ANKRD44: variants seen among roughly 807,000 people sequenced by gnomAD.
ANKRD44 encodes the protein serine/threonine-protein phosphatase 6 regulatory ankyrin repeat subunit B.
A neutral mutation model predicts 116.0 loss-of-function variants in ANKRD44; 35 were observed. That is an observed-to-expected ratio of 0.30 (90% CI 0.23 to 0.40). The LOEUF is 0.40. Among genes scored for constraint, ANKRD44 ranks in the 10% least tolerant of loss-of-function variants. ANKRD44 has a pLI of 1.00. For synonymous variants in ANKRD44, 435 were observed against 461.8 expected (o/e 0.94, Z 0.74); for missense variants, 1,014 against 1,242.6 (o/e 0.82, Z 2.77).
chr2:197,087,451 A>T (rs2077951776), intron 12 of ANKRD44, among the ~76,000 whole-genome samples: 1 of 152,202 alleles, frequency 6.6e-6, no homozygotes, highest in African/African-American at 2.4e-5. Context: ...TCAGACATGA[A>T]TCTGGAATTG....
intron 1 of ANKRD44, chr2:197,199,232 A>C (rs1008600181): frequency 2.0e-5 from 3 of 152,214 alleles, no homozygotes; most frequent in African/African-American, 7.2e-5. Context: ...ATGTATCTTT[A>C]CGTAACGAGC....
At chr2:197,038,861 A>C (rs2076855545) in intron 16 of ANKRD44, among the ~76,000 whole-genome samples, 1 of 152,236 alleles carries the variant, frequency 6.6e-6, no homozygotes, top group African/African-American at 2.4e-5. Flanking sequence ...AGGCTGAAAG[A>C]AACCAAAAGT....
chr2:197,285,987 G>A (rs907947469), intron 1 of ANKRD44, among the ~76,000 whole-genome samples: 18 of 152,200 alleles, frequency 1.2e-4, no homozygotes, highest in Non-Finnish European at 2.2e-4. Flanking sequence ...AGCTAACTCT[G>A]GGTGAGTCTG....
chr2:197,184,394 C>G (rs1013289910), intron 2 of ANKRD44, among the ~76,000 whole-genome samples: 9 of 152,164 alleles, frequency 5.9e-5, no homozygotes, highest in African/African-American at 1.9e-4. Context: ...GTAATCTCAG[C>G]ACTTTGGGAG....
intron 1 of ANKRD44, among the ~76,000 whole-genome samples, chr2:197,218,003 C>A (rs115759165): frequency 6.6e-6 from 1 of 152,040 alleles, no homozygotes; most frequent in African/African-American, 2.4e-5. Context: ...GGCAATAGTG[C>A]TAGTATTTAC....
chr2:196,980,669 A>G (rs946771778), intron 21 of ANKRD44, among the ~76,000 whole-genome samples: 1 of 152,178 alleles, frequency 6.6e-6, no homozygotes, highest in Admixed American at 6.5e-5. Flanking sequence ...GCTCTTTGCC[A>G]TCTGTCATGT....
intron 8 of ANKRD44, among the ~76,000 whole-genome samples, chr2:197,112,879 G>A (rs1232246288): frequency 6.6e-6 from 1 of 151,442 alleles, no homozygotes; most frequent in Non-Finnish European, 1.5e-5. Flanking sequence ...TTTAACACAA[G>A]CATTTTATTA....
chr2:197,076,038 G>T (rs2077658927), intron 16 of ANKRD44, among the ~76,000 whole-genome samples: 1 of 152,144 alleles, frequency 6.6e-6, no homozygotes. Context: ...CCCTGGACCG[G>T]TAGTGAAGGC....
At chr2:197,178,595 A>G (rs2080426834) in intron 2 of ANKRD44, among the ~76,000 whole-genome samples, 1 of 152,256 alleles carries the variant, frequency 6.6e-6, no homozygotes, top group South Asian at 2.1e-4. Context: ...GGCAAAGGAC[A>G]TGCAGAGGCC....
intron 16 of ANKRD44, among the ~76,000 whole-genome samples, chr2:197,043,797 T>C (rs1187923086): frequency 1.3e-5 from 2 of 152,028 alleles, no homozygotes; most frequent in Non-Finnish European, 2.9e-5. Flanking sequence ...ACATACTGTA[T>C]CATGGGTTCT....
Position 197,086,586 on chromosome 2 carries a change from C to T in ANKRD44, c.1316+94G>A, listed in dbSNP as rs1038149886. The T allele has an allele frequency of 5.7e-6, 7 of 1,234,134 alleles. No individual in the cohort carries two copies. In the African/African-American group the frequency reaches 9.1e-5, roughly 16 times the overall value. The allele number at this position is 1,234,134 out of a possible 1,614,324, so 76.4% of individuals were successfully genotyped here. A position where few individuals can be genotyped will look rare whatever the true frequency, so the allele number is the denominator to read the frequency against. Reference sequence around the variant, plus strand: ...GGATGGAATCCCCCCAGCTAACTTCCCGGTTTACCATTTCAACCTAACTTG... The same window carrying T: ...GGATGGAATCCCCCCAGCTAACTTCTCGGTTTACCATTTCAACCTAACTTG... On this transcript the variant is annotated intron_variant, in intron 13 of 27. Transcript: ENST00000282272.
intron 2 of ANKRD44, among the ~76,000 whole-genome samples, chr2:197,167,841 CT>C (rs770524841): frequency 3.3e-5 from 5 of 152,320 alleles, no homozygotes; most frequent in Non-Finnish European, 5.9e-5. Context: ...AGATTTTCCC[CT>C]TTACCATACT....
chr2:196,976,577 A>T (rs1252479673), intron 21 of ANKRD44, among the ~76,000 whole-genome samples: 1 of 152,224 alleles, frequency 6.6e-6, no homozygotes, highest in Non-Finnish European at 1.5e-5. Context: ...GAAAATTTTA[A>T]GGAATCCAGC....
rs1015807403 is a variant in ANKRD44 at position 197,013,588 on chromosome 2, A to G, written c.1847T>C (p.Val616Ala). ...TGCGCCCTGATTGATAAGCGCTTCC[A>G]CACATTCTGTGTGTCCTTTAAAGGC... ...LAAFKGHTECVEALINQGASI... is the reference protein window; with the variant it reads ...LAAFKGHTECAEALINQGASI... The change falls in exon 18 of 28, where the codon GTG (valine) becomes GCG (alanine). Residue 616 changes from valine to alanine, a missense_variant. By Grantham distance (64) the Val-to-Ala change is moderately conservative. Transcript: ENST00000282272. 28 of 1,614,068 alleles carry G rather than the reference A, an allele frequency of 1.7e-5. No homozygotes were observed. The highest frequency in any genetic ancestry group is 2.4e-5 in the Non-Finnish European group (28 of 1,180,050).
chr2:197,044,451 C>T (rs2076965812), intron 16 of ANKRD44, among the ~76,000 whole-genome samples: 2 of 152,140 alleles, frequency 1.3e-5, no homozygotes, highest in African/African-American at 4.8e-5. Context: ...ACTGCAACCT[C>T]TGCTTCCTGG....
chr2:197,029,021 G>A (rs1042003549), intron 16 of ANKRD44: 1 of 155,748 alleles, frequency 6.4e-6, no homozygotes, highest in African/African-American at 2.4e-5. Flanking sequence ...GGGTACATGT[G>A]CACAACGTGC....
intron 16 of ANKRD44, among the ~76,000 whole-genome samples, chr2:197,033,373 T>A (rs1227758735): frequency 6.6e-6 from 1 of 152,022 alleles, no homozygotes; most frequent in Non-Finnish European, 1.5e-5. Context: ...TGATGAAGAT[T>A]TTCACTGATA....
intron 9 of ANKRD44, among the ~76,000 whole-genome samples, chr2:197,106,288 A>G (rs2078425307): frequency 6.6e-6 from 1 of 152,096 alleles, no homozygotes. Context: ...CTAAAAATAC[A>G]AAAATTAGCC....
At chr2:197,184,051 T>G (rs1243764541) in intron 2 of ANKRD44, among the ~76,000 whole-genome samples, 1 of 152,184 alleles carries the variant, frequency 6.6e-6, no homozygotes, top group Non-Finnish European at 1.5e-5. Flanking sequence ...ATGGAAAGGG[T>G]GCCATCTCAC....
Sources: allele counts gnomAD v4.1 joint callset (sites outside exome capture counted in the v4.1 genomes callset), GRCh38; gene constraint gnomAD v4.1.1; transcripts MANE v1.5; gene names NCBI Gene and HGNC (gene_info 2026-07-23, HGNC 2026-07-21).